The following PCOLCE2 variants were observed in gnomAD, a reference collection of about 807,000 sequenced individuals.
PCOLCE2 encodes procollagen C-endopeptidase enhancer 2, also known as procollagen C-proteinase enhancer 2.
PCOLCE2 carries 42 observed loss-of-function variants against 47.0 expected under a neutral mutation model. The observed-to-expected ratio is 0.89, with a 90% CI of 0.70 to 1.16. The LOEUF is 1.16. PCOLCE2 is among the 50% of genes most tolerant of loss of function. The pLI is 0.00. For synonymous variants in PCOLCE2, 169 were observed against 191.7 expected, an observed-to-expected ratio of 0.88 and a Z score of 0.98; for missense variants, 500 against 526.1, an observed-to-expected ratio of 0.95 and a Z score of 0.49.
chr3:142,826,142 C>A (rs1172353523), intron 6 of PCOLCE2, among the ~76,000 whole-genome samples: 1 of 151,984 alleles, frequency 6.6e-6, no homozygotes, highest in East Asian at 1.9e-4. Context: ...GTAGCTGGGA[C>A]TACAGGTGCC....
chr3:142,848,489 C>A lies in PCOLCE2; in HGVS notation c.193-17G>T. On this transcript the variant is annotated splice_polypyrimidine_tract_variant and intron_variant, in intron 2 of 8. Transcript: ENST00000295992. ...TTCGGGAACCTGCCAAGAAAAGCGC[C>A]AATTAGAAAACTGTCATGAAAACAA... The A allele has an allele frequency of 6.3e-7, 1 of 1,582,862 alleles. No homozygotes were observed. Among genetic ancestry groups the A allele is most frequent in the Non-Finnish European group, 8.6e-7 (1 of 1,159,490 alleles).
rs116588327 is a variant in PCOLCE2, at chr3:142,850,734, G to A, written c.193-2262C>T. Among the ~76,000 whole-genome samples, 919 of 152,262 alleles carry A rather than the reference G, an allele frequency of 6.0e-3. 12 individuals are homozygous for A. Among genetic ancestry groups the A allele is most frequent in the African/African-American group, 0.021 (884 of 41,536 alleles). On this transcript the variant is annotated intron_variant, in intron 2 of 8. Coordinates refer to ENST00000295992, the MANE Select transcript of PCOLCE2 (RefSeq NM_013363.4). Reference sequence around the variant, plus strand: ...AAAGGATCATGAGAAAATGGGGTGAGAGGAAATGGTGACAATAAATATAAA... The same window carrying A: ...AAAGGATCATGAGAAAATGGGGTGAAAGGAAATGGTGACAATAAATATAAA...
At chr3:142,861,281 C>T (rs1052190762) in intron 2 of PCOLCE2, among the ~76,000 whole-genome samples, 1 of 152,142 alleles carries the variant, frequency 6.6e-6, no homozygotes, top group Admixed American at 6.5e-5. Context: ...AAAGATGCAC[C>T]TTGGTGTTTA....
At position 142,829,848 on chromosome 3, in the gene PCOLCE2, T is replaced by TA; in HGVS notation, c.711-3dup. On this transcript the variant is annotated splice_region_variant and splice_polypyrimidine_tract_variant and intron_variant, in intron 5 of 8. Coordinates refer to ENST00000295992, the MANE Select transcript of PCOLCE2 (RefSeq NM_013363.4). Reference sequence around the variant, plus strand: ...TCATTTCTCTCAGACACAATTGGCCTAAAAAAAGAAAAATGTGTTTTTTTA... The same window carrying TA: ...TCATTTCTCTCAGACACAATTGGCCTAAAAAAAAGAAAAATGTGTTTTTTTA... 8 of 1,533,142 alleles carry TA rather than the reference T, an allele frequency of 5.2e-6. No homozygotes were observed. Among genetic ancestry groups the TA allele is most frequent in the African/African-American group, 1.4e-5 (1 of 72,114 alleles). 95.0% of individuals were successfully genotyped at this position (1,533,142 alleles called of 1,614,324 possible). A position where few individuals can be genotyped will look rare whatever the true frequency, so the allele number is the denominator to read the frequency against.
intron 2 of PCOLCE2, among the ~76,000 whole-genome samples, chr3:142,868,061 A>C (rs1207598610): frequency 6.6e-6 from 1 of 152,204 alleles, no homozygotes; most frequent in Non-Finnish European, 1.5e-5. Context: ...GGAAACAATG[A>C]TAATTCTTTT....
chr3:142,851,598 C>G (rs1932944523), intron 2 of PCOLCE2, among the ~76,000 whole-genome samples: 1 of 152,068 alleles, frequency 6.6e-6, no homozygotes, highest in South Asian at 2.1e-4. Flanking sequence ...AAGTGGGAGG[C>G]TGAGGAACTA....
At position 142,842,890 on chromosome 3, in the gene PCOLCE2, T is replaced by C. The variant is rs754641085; in HGVS notation, c.573+34A>G. The C allele has an allele frequency of 2.1e-5, 34 of 1,612,268 alleles. No individual in the cohort carries two copies. The highest frequency in any genetic ancestry group is 2.8e-5 in the Non-Finnish European group (33 of 1,178,814). ...CCCCCCACACTGGGCAATTCACACA[T>C]GCATGCTTTCTTCACACTTCCAGGG... On this transcript the variant is annotated intron_variant, in intron 4 of 8. Coordinates refer to ENST00000295992, the MANE Select transcript of PCOLCE2 (RefSeq NM_013363.4). This position sits in a 1 kb window ranked among gnomAD's most constrained non-coding sequence, Gnocchi z 4.1.
At chr3:142,828,817 G>A (rs1426997567) in intron 6 of PCOLCE2, among the ~76,000 whole-genome samples, 1 of 152,168 alleles carries the variant, frequency 6.6e-6, no homozygotes, top group Non-Finnish European at 1.5e-5. Flanking sequence ...GGACACCAAG[G>A]CTTACTGAGC....
chr3:142,828,509 G>C (rs540632476), intron 6 of PCOLCE2, among the ~76,000 whole-genome samples: 1 of 152,106 alleles, frequency 6.6e-6, no homozygotes, highest in African/African-American at 2.4e-5. Context: ...TGGTGGGAGC[G>C]GGGTAGGGCA....
chr3:142,881,132 G>A (rs1560142707), intron 2 of PCOLCE2, among the ~76,000 whole-genome samples: 1 of 152,156 alleles, frequency 6.6e-6, no homozygotes, highest in African/African-American at 2.4e-5. Flanking sequence ...CCACAGTCCA[G>A]TGCAATGCCT....
chr3:142,873,184 A>T (rs1933428627), intron 2 of PCOLCE2, among the ~76,000 whole-genome samples: 1 of 152,116 alleles, frequency 6.6e-6, no homozygotes, highest in Non-Finnish European at 1.5e-5. Flanking sequence ...CCCTGAGGTC[A>T]GGAGTTCAAG....
At chr3:142,859,418 T>C (rs1050139361) in intron 2 of PCOLCE2, among the ~76,000 whole-genome samples, 2 of 152,016 alleles carry the variant, frequency 1.3e-5, no homozygotes, top group East Asian at 1.9e-4. Context: ...AAAACATTTA[T>C]AGGACAGAAC....
chr3:142,867,569 CTT>C (rs1231951255), intron 2 of PCOLCE2, among the ~76,000 whole-genome samples: 1 of 152,126 alleles, frequency 6.6e-6, no homozygotes, highest in Non-Finnish European at 1.5e-5. Context: ...GGACATAAGA[CTT>C]AATGTACACT....
chr3:142,827,822 AC>A, intron 6 of PCOLCE2: 1 of 567,914 alleles, frequency 1.8e-6, no homozygotes, highest in South Asian at 2.1e-5. Flanking sequence ...TCTCACGGAC[AC>A]CTCAAACCCA....
At position 142,842,904 on chromosome 3, in the gene PCOLCE2, A is replaced by T. The variant is rs747881284; in HGVS notation, c.573+20T>A. On this transcript the variant is annotated intron_variant, in intron 4 of 8. Transcript: ENST00000295992. The surrounding 1 kb of genome is among the most constrained non-coding windows in gnomAD (Gnocchi z 4.1). ...CAATTCACACATGCATGCTTTCTTC[A>T]CACTTCCAGGGAATCTCACCTGATT... 2.0e-5 allele frequency: 33 copies of T among 1,613,548 alleles called. 2 individuals carry two copies. The South Asian group carries it at 3.6e-4, about 18-fold the overall frequency.
intron 2 of PCOLCE2, among the ~76,000 whole-genome samples, chr3:142,861,780 G>C (rs537124054): frequency 6.6e-6 from 1 of 152,256 alleles, no homozygotes; most frequent in South Asian, 2.1e-4. Context: ...AGGTGAGGCT[G>C]ACTGGAAGCT....
intron 2 of PCOLCE2, among the ~76,000 whole-genome samples, chr3:142,881,734 A>G (rs1933625454): frequency 6.6e-6 from 1 of 152,192 alleles, no homozygotes; most frequent in Non-Finnish European, 1.5e-5. Flanking sequence ...CCACTGTCAT[A>G]TATGTGGTAG....
intron 2 of PCOLCE2, chr3:142,887,212 T>C (rs558594890): frequency 2.6e-5 from 4 of 152,718 alleles, no homozygotes; most frequent in Admixed American, 6.5e-5. Context: ...CCCAGGAACA[T>C]TAAGTGGGCT....
chr3:142,852,809 T>C (rs1175859274), intron 2 of PCOLCE2, among the ~76,000 whole-genome samples: 1 of 150,858 alleles, frequency 6.6e-6, no homozygotes, highest in Non-Finnish European at 1.5e-5. Context: ...TTTTGTGTTG[T>C]TTTAAAAATT....
Sources: gnomAD v4.1 joint callset for allele counts (sites outside exome capture counted in the v4.1 genomes callset) on GRCh38, gnomAD v4.1.1 for gene constraint, Gnocchi (gnomAD v3.1) non-coding constraint, MANE v1.5 for transcripts, NCBI Gene and HGNC (gene_info 2026-07-23, HGNC 2026-07-21) for gene names.